Variants in DACH2 observed in about 807,000 individuals in gnomAD.
DACH2 encodes dachshund homolog 2.
Under a neutral mutation model 35.8 loss-of-function variants are expected in DACH2, and 17 were observed. The ratio of observed to expected loss-of-function variants is 0.48; its 90% confidence interval spans 0.33 to 0.71. The LOEUF (loss-of-function observed/expected upper bound fraction) is 0.71, where lower values mean the gene tolerates loss of function less well. DACH2 is among the 30% of genes least tolerant of loss of function. The pLI, the probability that DACH2 is intolerant of heterozygous loss-of-function variation, is 0.02. For missense variants in DACH2, 469 were observed against 472.7 expected (o/e 0.99, Z 0.07); for synonymous variants, 195 against 177.3 (o/e 1.10, Z -0.79).
intron 1 of DACH2, among the ~76,000 whole-genome samples, chrX:86,154,316 A>T (rs2030468492): frequency 9.0e-6 from 1 of 111,449 alleles, no homozygotes; most frequent in African/African-American, 3.2e-5. Context: ...TTGATCCAAA[A>T]CTGAAAATAT....
intron 2 of DACH2, among the ~76,000 whole-genome samples, chrX:86,485,472 A>G (rs972208918): frequency 2.7e-5 from 3 of 111,431 alleles, no homozygotes; most frequent in Non-Finnish European, 5.7e-5. Flanking sequence ...TAGTAGGATG[A>G]CCAGAGTTAG....
At chrX:86,341,982 T>C (rs1335145607) in intron 1 of DACH2, among the ~76,000 whole-genome samples, 1 of 111,904 alleles carries the variant, frequency 8.9e-6, no homozygotes, top group Non-Finnish European at 1.9e-5. Flanking sequence ...ATGGAATCTA[T>C]CCCTGGTAAA....
intron 2 of DACH2, among the ~76,000 whole-genome samples, chrX:86,397,222 A>T (rs749478014): frequency 9.0e-6 from 1 of 111,105 alleles, no homozygotes; most frequent in African/African-American, 3.3e-5. Flanking sequence ...AATGCTAGTG[A>T]TTTTTGCACA....
chrX:86,822,718 G>A (rs752287488), intron 11 of DACH2, among the ~76,000 whole-genome samples: 4 of 111,373 alleles, frequency 3.6e-5, no homozygotes, highest in East Asian at 2.8e-4. Context: ...TTAATTAAAC[G>A]AAATAGTCTA....
At chrX:86,224,160 CT>C (rs1214081226) in intron 1 of DACH2, among the ~76,000 whole-genome samples, 3 of 108,901 alleles carry the variant, frequency 2.8e-5, no homozygotes, top group African/African-American at 1.0e-4. Flanking sequence ...TTCATGTCAG[CT>C]TTTTTTTTCA....
rs1208273473 is a variant in DACH2 at position 86,344,616 on chromosome X, C to T, written c.489-32208C>T. On this transcript the variant is annotated intron_variant, in intron 1 of 11. Transcript: ENST00000373125. ...ACTTCCTATTGGGAACTTCTTTCAC[C>T]AACTTCTACTCCCCTTTGCTTCTGT... 3.6e-5 allele frequency among the ~76,000 whole-genome samples: 4 copies of T among 111,097 alleles called. No individual in the cohort carries two copies. In the South Asian group the frequency reaches 1.1e-3, roughly 31 times the overall value.
chrX:86,643,049 A>G (rs978578720), intron 3 of DACH2, among the ~76,000 whole-genome samples: 1 of 110,722 alleles, frequency 9.0e-6, no homozygotes, highest in Admixed American at 9.7e-5. Flanking sequence ...AGAATGAATT[A>G]GAGAAGCAAG....
intron 3 of DACH2, among the ~76,000 whole-genome samples, chrX:86,620,794 A>G (rs2040061172): frequency 9.5e-6 from 1 of 104,745 alleles, no homozygotes; most frequent in Non-Finnish European, 1.9e-5. Context: ...CAAGCAAATA[A>G]AACAAAAAAA....
intron 2 of DACH2, among the ~76,000 whole-genome samples, chrX:86,424,879 C>A (rs1321481168): frequency 9.0e-6 from 1 of 110,976 alleles, no homozygotes; most frequent in Non-Finnish European, 1.9e-5. Context: ...GGGTTTTTAT[C>A]AGGAAAGAAT....
At chrX:86,663,380 GT>G (rs1383992992) in intron 4 of DACH2, among the ~76,000 whole-genome samples, 2 of 112,007 alleles carry the variant, frequency 1.8e-5, no homozygotes, top group African/African-American at 6.5e-5. Context: ...AAATTGTCAT[GT>G]TTCTGCCATT....
At chrX:86,801,449 T>C (rs1444996567) in intron 7 of DACH2, among the ~76,000 whole-genome samples, 3 of 111,590 alleles carry the variant, frequency 2.7e-5, no homozygotes, top group Non-Finnish European at 5.6e-5. Context: ...TTCTCAGTGA[T>C]TGTGGGTATG....
intron 7 of DACH2, among the ~76,000 whole-genome samples, chrX:86,755,581 C>T (rs2041818759): frequency 9.7e-6 from 1 of 103,036 alleles, no homozygotes; most frequent in Admixed American, 1.1e-4. Context: ...GGCTTTAATC[C>T]GTCTTGACCT....
intron 3 of DACH2, among the ~76,000 whole-genome samples, chrX:86,535,609 A>G (rs2038786307): frequency 9.0e-6 from 1 of 111,159 alleles, no homozygotes; most frequent in South Asian, 3.8e-4. Context: ...TGACTCTGGT[A>G]TAGCATCACA....
chrX:86,762,403 G>A (rs1382585893), intron 7 of DACH2, among the ~76,000 whole-genome samples: 1 of 111,194 alleles, frequency 9.0e-6, no homozygotes, highest in Admixed American at 9.6e-5. Context: ...GCTCATTAAT[G>A]GGCATGGAAA....
chrX:86,412,546 C>G (rs2036631911), intron 2 of DACH2, among the ~76,000 whole-genome samples: 1 of 111,701 alleles, frequency 9.0e-6, no homozygotes. Flanking sequence ...CCAGTGAATT[C>G]CATGAGCATG....
chrX:86,324,243 A>G (rs1003534604), intron 1 of DACH2, among the ~76,000 whole-genome samples: 2 of 112,040 alleles, frequency 1.8e-5, no homozygotes, highest in African/African-American at 6.5e-5. Context: ...AACTAGATTT[A>G]GAAGTGGAGC....
At chrX:86,188,319 G>C (rs984320273) in intron 1 of DACH2, among the ~76,000 whole-genome samples, 4 of 111,899 alleles carry the variant, frequency 3.6e-5, no homozygotes, top group African/African-American at 1.3e-4. Context: ...GGGAAAAGTT[G>C]TGCTGCCCTC....
rs144142026 is a variant in DACH2 at position 86,238,399 on chromosome X, A to G, written c.488+89291A>G. Among the ~76,000 whole-genome samples, 89 of 112,379 alleles carry G rather than the reference A, an allele frequency of 7.9e-4. 1 individual carries two copies. The East Asian group carries it at 0.015, about 18-fold the overall frequency. ...GGCCTTCAAATATTTTCATAGCACTAGACACATGTGATACATTCTTACAAG... is the reference window on the plus strand; with the variant it reads ...GGCCTTCAAATATTTTCATAGCACTGGACACATGTGATACATTCTTACAAG... On this transcript the variant is annotated intron_variant, in intron 1 of 11. Coordinates refer to ENST00000373125, the MANE Select transcript of DACH2 (RefSeq NM_053281.3).
intron 3 of DACH2, among the ~76,000 whole-genome samples, chrX:86,551,112 G>C (rs1406812341): frequency 8.9e-6 from 1 of 111,902 alleles, no homozygotes; most frequent in African/African-American, 3.2e-5. Flanking sequence ...TAGTGTACAT[G>C]AAACGGTAAT....
Sources: allele counts gnomAD v4.1 joint callset (sites outside exome capture counted in the v4.1 genomes callset), GRCh38; gene constraint gnomAD v4.1.1; transcripts MANE v1.5; gene names NCBI Gene and HGNC (gene_info 2026-07-23, HGNC 2026-07-21).